Variants in SPIDR observed in about 807,000 individuals in gnomAD.
The protein encoded by SPIDR is scaffold protein involved in DNA repair, also known as DNA repair-scaffolding protein.
SPIDR carries 93 observed loss-of-function variants against 104.6 expected under a neutral mutation model. That is an observed-to-expected ratio of 0.89 (90% CI 0.75 to 1.06). The LOEUF is 1.06. Ranked by LOEUF, SPIDR falls within the 50% of genes least tolerant of loss-of-function variation. The probability of loss-of-function intolerance (pLI) is 0.00; values close to 1 mark genes in which losing one functional copy is unlikely to be tolerated. For synonymous variants in SPIDR, 431 were observed against 416.9 expected, an observed-to-expected ratio of 1.03 and a Z score of -0.41; for missense variants, 1,154 against 1,111.2, an observed-to-expected ratio of 1.04 and a Z score of -0.55.
chr8:47,493,034 AGAGAGTGAGT>A (rs1446422744), intron 8 of SPIDR, among the ~76,000 whole-genome samples: 6 of 109,594 alleles, frequency 5.5e-5, no homozygotes, highest in African/African-American at 2.5e-4. Context: ...AGAGAGAGAG[AGAGAGTGAGT>A]GTGTGTGTGT....
chr8:47,477,227 T>C (rs532871178), intron 8 of SPIDR, among the ~76,000 whole-genome samples: 94 of 151,496 alleles, frequency 6.2e-4, no homozygotes, highest in African/African-American at 2.1e-3. Context: ...TGAGACAGAG[T>C]CTCGCTCTGT....
At chr8:47,319,677 T>G (rs999580380) in intron 5 of SPIDR, among the ~76,000 whole-genome samples, 4 of 152,120 alleles carry the variant, frequency 2.6e-5, no homozygotes, top group Non-Finnish European at 5.9e-5. Flanking sequence ...TATTCCAAAA[T>G]TGACCACATA....
At chr8:47,262,251 C>A (rs529940208) in intron 1 of SPIDR, among the ~76,000 whole-genome samples, 1 of 152,292 alleles carries the variant, frequency 6.6e-6, no homozygotes, top group East Asian at 1.9e-4. Flanking sequence ...TTTCTCTTGA[C>A]TTAGAAATCT....
At chr8:47,350,842 C>A (rs1438361558) in intron 5 of SPIDR, among the ~76,000 whole-genome samples, 1 of 152,108 alleles carries the variant, frequency 6.6e-6, no homozygotes, top group Non-Finnish European at 1.5e-5. Context: ...TTTTCTGAGG[C>A]CTTAGTTACT....
intron 5 of SPIDR, chr8:47,330,836 G>T (rs1554604067): frequency 2.2e-6 from 1 of 456,104 alleles, no homozygotes; most frequent in East Asian, 6.9e-5. Context: ...TTTCCGTGTG[G>T]AGATAAACTT....
At chr8:47,454,080 G>T (rs2072455202) in intron 8 of SPIDR, among the ~76,000 whole-genome samples, 1 of 152,158 alleles carries the variant, frequency 6.6e-6, no homozygotes, top group African/African-American at 2.4e-5. Context: ...AATTCCTCAA[G>T]GATCTAGAAC....
intron 8 of SPIDR, among the ~76,000 whole-genome samples, chr8:47,533,962 T>C (rs546186469): frequency 1.3e-5 from 2 of 152,278 alleles, no homozygotes; most frequent in East Asian, 3.9e-4. Flanking sequence ...TCACCTTGAA[T>C]TGTAATAATC....
intron 8 of SPIDR, among the ~76,000 whole-genome samples, chr8:47,557,550 T>A (rs1204678070): frequency 6.6e-6 from 1 of 152,218 alleles, no homozygotes; most frequent in East Asian, 1.9e-4. Flanking sequence ...TTCTTATTTT[T>A]AAAAAACATG....
intron 8 of SPIDR, among the ~76,000 whole-genome samples, chr8:47,493,694 C>T (rs771504083): frequency 6.6e-6 from 1 of 152,072 alleles, no homozygotes; most frequent in Admixed American, 6.6e-5. Context: ...TGTTTTTTCT[C>T]GTTCTGTCAT....
chr8:47,455,014 A>C (rs566137687), intron 8 of SPIDR, among the ~76,000 whole-genome samples: 348 of 152,340 alleles, frequency 2.3e-3, no homozygotes, highest in African/African-American at 7.6e-3. Context: ...AGGAAGAAAT[A>C]CTAAACAGCA....
chr8:47,700,166 A>G (rs913020389), intron 11 of SPIDR, among the ~76,000 whole-genome samples: 1 of 152,158 alleles, frequency 6.6e-6, no homozygotes, highest in African/African-American at 2.4e-5. Flanking sequence ...ACCGTATACT[A>G]TTTCACTGTG....
rs919108764 is a variant in SPIDR, at chr8:47,564,522, A to G, written c.1098-31289A>G. Among the ~76,000 whole-genome samples the G allele has an allele frequency of 3.3e-5, 5 of 152,074 alleles. No homozygotes were observed. In the East Asian group the frequency reaches 5.8e-4, roughly 18 times the overall value. Reference sequence around the variant, plus strand: ...TGGTGAAACCCTGTCTCTACTACCAATTAAAAAATTAGCTGGGTGTGGTGG... The same window carrying G: ...TGGTGAAACCCTGTCTCTACTACCAGTTAAAAAATTAGCTGGGTGTGGTGG... On this transcript the variant is annotated intron_variant, in intron 8 of 19. Transcript: ENST00000297423.
At chr8:47,653,006 C>G (rs963123979) in intron 10 of SPIDR, among the ~76,000 whole-genome samples, 2 of 152,194 alleles carry the variant, frequency 1.3e-5, no homozygotes, top group Non-Finnish European at 2.9e-5. Context: ...TAGTCCCATA[C>G]TGGAACTACA....
chr8:47,511,786 T>G (rs2082366567), intron 8 of SPIDR: 2 of 1,224,336 alleles, frequency 1.6e-6, no homozygotes, highest in East Asian at 4.6e-5. Context: ...AAAGAGATCA[T>G]CCACCAGCTC....
intron 5 of SPIDR, among the ~76,000 whole-genome samples, chr8:47,310,155 A>G (rs1029311385): frequency 2.6e-5 from 4 of 151,514 alleles, no homozygotes; most frequent in Non-Finnish European, 4.4e-5. Flanking sequence ...TAACACAGTG[A>G]AACCCCGTCT....
intron 8 of SPIDR, among the ~76,000 whole-genome samples, chr8:47,448,210 A>G (rs1367203141): frequency 1.3e-5 from 2 of 152,184 alleles, no homozygotes; most frequent in Non-Finnish European, 1.5e-5. Context: ...TTTGGCTAAA[A>G]CATTCAATTC....
chr8:47,629,609 T>G (rs542120595), intron 10 of SPIDR, among the ~76,000 whole-genome samples: 1 of 152,106 alleles, frequency 6.6e-6, no homozygotes, highest in Non-Finnish European at 1.5e-5. Flanking sequence ...AAAAATTAGC[T>G]GGGTGTGGCG....
At chr8:47,708,261 T>C (rs917868319) in intron 14 of SPIDR, among the ~76,000 whole-genome samples, 1 of 152,248 alleles carries the variant, frequency 6.6e-6, no homozygotes, top group African/African-American at 2.4e-5. Context: ...ATTGTGCCAC[T>C]ACACTCCAGC....
chr8:47,631,638 A>G lies in SPIDR; in HGVS notation c.1544+32442A>G, dbSNP rs2067091855. ...TTTGGGACATATAAAAGAGGAAGGA[A>G]GAGTTGATAAAGAATTCTTATTTGA... On this transcript the variant is annotated intron_variant, in intron 10 of 19. Transcript: ENST00000297423. 2.6e-5 allele frequency among the ~76,000 whole-genome samples: 4 copies of G among 152,228 alleles called. No individual in the cohort carries two copies. The South Asian group carries it at 8.3e-4, about 32-fold the overall frequency.
Sources: allele counts gnomAD v4.1 joint callset (sites outside exome capture counted in the v4.1 genomes callset), GRCh38; gene constraint gnomAD v4.1.1; transcripts MANE v1.5; gene names NCBI Gene and HGNC (gene_info 2026-07-23, HGNC 2026-07-21).